STX18: variants seen among roughly 807,000 people sequenced by gnomAD.
STX18 encodes syntaxin 18.
Under a neutral mutation model 50.1 loss-of-function variants are expected in STX18, and 40 were observed. That is an observed-to-expected ratio of 0.80 (90% CI 0.62 to 1.04). STX18 has a LOEUF of 1.04. STX18 is among the 50% of genes least tolerant of loss of function. The pLI is 0.00. For synonymous variants in STX18, 158 were observed against 151.8 expected (o/e 1.04, Z -0.30); for missense variants, 410 against 415.8 (o/e 0.99, Z 0.12).
chr4:4,506,161 A>G (rs1729697586), intron 1 of STX18, among the ~76,000 whole-genome samples: 1 of 152,244 alleles, frequency 6.6e-6, no homozygotes, highest in South Asian at 2.1e-4. Flanking sequence ...CATTAAACAT[A>G]CACTCACCAG....
intron 1 of STX18, among the ~76,000 whole-genome samples, chr4:4,525,127 G>A (rs910036807): frequency 6.6e-6 from 1 of 152,080 alleles, no homozygotes; most frequent in African/African-American, 2.4e-5. Flanking sequence ...GCTAGAAAAA[G>A]AAATTTTAAA....
intron 5 of STX18, among the ~76,000 whole-genome samples, chr4:4,441,189 C>G (rs146120318): frequency 1.3e-5 from 2 of 152,176 alleles, no homozygotes; most frequent in African/African-American, 4.8e-5. Context: ...ATAATTCTGG[C>G]CATATTCTAC....
chr4:4,450,771 G>A (rs1040246333), intron 5 of STX18, among the ~76,000 whole-genome samples: 6 of 152,098 alleles, frequency 3.9e-5, no homozygotes, highest in Non-Finnish European at 8.8e-5. Flanking sequence ...TGCTCCCCAC[G>A]ACTGCAGACG....
chr4:4,471,295 C>T (rs1727903341), intron 2 of STX18, among the ~76,000 whole-genome samples: 1 of 152,178 alleles, frequency 6.6e-6, no homozygotes, highest in African/African-American at 2.4e-5. Context: ...TTAGCAGAGG[C>T]TTGAAAACTT....
chr4:4,542,175 C>G (rs540464414), upstream of STX18: 12 of 546,948 alleles, frequency 2.2e-5, no homozygotes, highest in South Asian at 3.4e-4. Flanking sequence ...GGAGGAGGAA[C>G]CTCGCGACGC....
chr4:4,457,685 A>C (rs551813557), intron 3 of STX18, among the ~76,000 whole-genome samples, 185 bp from the exon 4 acceptor site: 1 of 152,382 alleles, frequency 6.6e-6, no homozygotes, highest in Non-Finnish European at 1.5e-5. Context: ...GCAAGAGTGA[A>C]AGATTAAACC....
At chr4:4,531,786 A>T (rs1444513653) in intron 1 of STX18, among the ~76,000 whole-genome samples, 1 of 152,226 alleles carries the variant, frequency 6.6e-6, no homozygotes, top group Non-Finnish European at 1.5e-5. Context: ...AATACTTTCA[A>T]ATAATATAGC....
intron 8 of STX18, among the ~76,000 whole-genome samples, chr4:4,424,505 A>T (rs1467371326): frequency 6.6e-6 from 1 of 152,182 alleles, no homozygotes; most frequent in Non-Finnish European, 1.5e-5. Context: ...TAGGAGGTCC[A>T]TCTCTGAGGG....
intron 2 of STX18, 107 bp downstream of exon 2, chr4:4,471,532 A>C (rs1727919323): frequency 4.2e-6 from 3 of 711,552 alleles, no homozygotes; most frequent in Non-Finnish European, 4.4e-6. Flanking sequence ...CTTCCTCATT[A>C]CAACTCTGAG....
At chr4:4,529,348 C>T (rs28730273) in intron 1 of STX18, among the ~76,000 whole-genome samples, 5,518 of 151,818 alleles carry the variant, frequency 0.036, 296 homozygotes, top group African/African-American at 0.13. Context: ...GGCGAGACTC[C>T]GTCTCAAAAA....
intron 2 of STX18, among the ~76,000 whole-genome samples, chr4:4,463,600 T>G (rs1727488011): frequency 6.6e-6 from 1 of 152,214 alleles, no homozygotes; most frequent in African/African-American, 2.4e-5. Flanking sequence ...GAAAGATATT[T>G]ACAACCACCT....
chr4:4,425,195 C>A lies in STX18; in HGVS notation c.730G>T (p.Gly244Cys), dbSNP rs900513772. The change falls in exon 8 of 11, where the codon GGT becomes TGT. Residue 244 changes from glycine to cysteine, a missense_variant. Coordinates refer to ENST00000306200, the MANE Select transcript of STX18 (RefSeq NM_016930.4). Reference sequence around the variant, plus strand: ...TCATCAAACAAGCTGTTCATTTCACCAATTAGTCGCTGATTTTCCTGTTCA... The same window carrying A: ...TCATCAAACAAGCTGTTCATTTCACAAATTAGTCGCTGATTTTCCTGTTCA... The part of the protein sequence containing the change: ...MFEQENQRLI[G>C]EMNSLFDEVR... 42 of 1,614,010 alleles carry A rather than the reference C, an allele frequency of 2.6e-5. No homozygotes were observed. Among genetic ancestry groups the A allele is most frequent in the Non-Finnish European group, 3.6e-5 (42 of 1,180,012 alleles).
At chr4:4,447,207 G>A (rs1474854991) in intron 5 of STX18, among the ~76,000 whole-genome samples, 1 of 152,126 alleles carries the variant, frequency 6.6e-6, no homozygotes, top group Non-Finnish European at 1.5e-5. Flanking sequence ...AGCTTGACAA[G>A]ATACTCATCT....
chr4:4,522,488 C>A (rs1310217425), intron 1 of STX18, among the ~76,000 whole-genome samples: 1 of 152,110 alleles, frequency 6.6e-6, no homozygotes, highest in Non-Finnish European at 1.5e-5. Flanking sequence ...AGTTCATATC[C>A]CTGACCATAA....
intron 7 of STX18, among the ~76,000 whole-genome samples, chr4:4,429,068 A>G (rs371080299): frequency 6.6e-6 from 1 of 152,054 alleles, no homozygotes; most frequent in East Asian, 1.9e-4. Flanking sequence ...CCCTCCAACC[A>G]TGGCAGCACA....
intron 7 of STX18, among the ~76,000 whole-genome samples, chr4:4,427,721 T>C (rs1021627091): frequency 1.3e-5 from 2 of 152,364 alleles, no homozygotes; most frequent in African/African-American, 4.8e-5. Context: ...TTTGAGGGCC[T>C]GTGGTATAAG....
At chr4:4,513,926 G>A (rs1257666097) in intron 1 of STX18, among the ~76,000 whole-genome samples, 1 of 152,148 alleles carries the variant, frequency 6.6e-6, no homozygotes, top group Non-Finnish European at 1.5e-5. Flanking sequence ...GGGCAGGGGT[G>A]TGATAAAGAC....
At chr4:4,484,912 T>A (rs1728634449) in intron 1 of STX18, among the ~76,000 whole-genome samples, 1 of 151,966 alleles carries the variant, frequency 6.6e-6, no homozygotes, top group Non-Finnish European at 1.5e-5. Flanking sequence ...AGGACGGAGG[T>A]AATAAAGAAA....
At chr4:4,539,873 C>T (rs1272115606) in intron 1 of STX18, among the ~76,000 whole-genome samples, 1 of 152,226 alleles carries the variant, frequency 6.6e-6, no homozygotes, top group African/African-American at 2.4e-5. Context: ...GCCAACCCAA[C>T]TGTGCCTCCT....
Sources: allele counts gnomAD v4.1 joint callset (sites outside exome capture counted in the v4.1 genomes callset), GRCh38; gene constraint gnomAD v4.1.1; transcripts MANE v1.5; gene names NCBI Gene and HGNC (gene_info 2026-07-23, HGNC 2026-07-21).